Variants in KIF11 observed in about 807,000 individuals in gnomAD.
KIF11 encodes the protein kinesin family member 11, also known as kinesin-like protein KIF11.
Under a neutral mutation model 121.0 loss-of-function variants are expected in KIF11, and 9 were observed. The ratio of observed to expected loss-of-function variants is 0.07; its 90% CI spans 0.04 to 0.13. The LOEUF is 0.13. Among genes scored for constraint, KIF11 ranks in the 10% least tolerant of loss-of-function variants. The pLI, the probability that KIF11 is intolerant of heterozygous loss-of-function variation, is 1.00. For missense variants in KIF11, 846 were observed against 1,217.5 expected, an observed-to-expected ratio of 0.69 and a Z score of 4.54; for synonymous variants, 408 against 421.0, an observed-to-expected ratio of 0.97 and a Z score of 0.38.
intron 9 of KIF11, 48 bp downstream of exon 9, chr10:92,616,880 G>T: frequency 9.3e-7 from 1 of 1,079,688 alleles, no homozygotes; most frequent in Non-Finnish European, 1.4e-6. Flanking sequence ...TGACAAATGT[G>T]AAAATAAGAA....
In KIF11 at chr10:92,624,772, G is replaced by GTT. The variant is rs1297187722; in HGVS notation, c.1217+3313_1217+3314dup. Reference sequence around the variant, plus strand: ...CAAATAGTATTTCTGTGTGTGTGTGGTTTTTTTTTTTTTTTGAGATGGAGT... The same window carrying GTT: ...CAAATAGTATTTCTGTGTGTGTGTGGTTTTTTTTTTTTTTTTTGAGATGGAGT... On this transcript the variant is annotated intron_variant, in intron 10 of 21. Transcript: ENST00000260731. Among the ~76,000 whole-genome samples the GTT allele has an allele frequency of 9.5e-3, 1,278 of 134,800 alleles. 13 individuals carry two copies. The highest frequency in any genetic ancestry group is 0.02 in the Admixed American group (262 of 13,406). 88.4% of individuals were successfully genotyped at this position (134,800 alleles called of 152,430 possible).
chr10:92,616,350 A>G (rs1564707618), intron 8 of KIF11, among the ~76,000 whole-genome samples: 1 of 151,538 alleles, frequency 6.6e-6, no homozygotes, highest in Non-Finnish European at 1.5e-5. Flanking sequence ...GGCACATACT[A>G]CTATGCCCAG....
At chr10:92,608,132 A>T (rs1191628759) in intron 4 of KIF11, among the ~76,000 whole-genome samples, 2 of 149,652 alleles carry the variant, frequency 1.3e-5, no homozygotes, top group African/African-American at 2.4e-5. Context: ...AATTTTTTTT[A>T]ATTTTTTTTT....
intron 19 of KIF11, among the ~76,000 whole-genome samples, chr10:92,649,510 A>C (rs920530808): frequency 6.6e-6 from 1 of 152,124 alleles, no homozygotes; most frequent in Admixed American, 6.5e-5. Flanking sequence ...TGGGAAATCT[A>C]CTCATTCCAA....
intron 9 of KIF11, among the ~76,000 whole-genome samples, chr10:92,619,894 TG>T (rs1844599283): frequency 1.3e-5 from 2 of 151,556 alleles, no homozygotes; most frequent in Non-Finnish European, 2.9e-5. Context: ...ATATTTGTCC[TG>T]TAGAGTTTTA....
intron 10 of KIF11, among the ~76,000 whole-genome samples, chr10:92,621,904 G>A (rs11815573): frequency 0.28 from 42,651 of 152,108 alleles, 8,331 homozygotes; most frequent in African/African-American, 0.55. Flanking sequence ...ATTAATTCAT[G>A]TGAAGTTTCA....
intron 9 of KIF11, among the ~76,000 whole-genome samples, chr10:92,619,250 C>T (rs1844593824): frequency 6.6e-6 from 1 of 152,162 alleles, no homozygotes; most frequent in Non-Finnish European, 1.5e-5. Context: ...AACTCTTGAC[C>T]TTGTGATCCA....
chr10:92,645,755 A>C (rs368886313), intron 18 of KIF11, 113 bp downstream of exon 18: 6 of 838,908 alleles, frequency 7.2e-6, no homozygotes, highest in African/African-American at 3.5e-5. Context: ...ATAATGACTT[A>C]AACTTTTAAG....
At chr10:92,618,018 G>A (rs991563702) in intron 9 of KIF11, among the ~76,000 whole-genome samples, 15 of 152,122 alleles carry the variant, frequency 9.9e-5, no homozygotes, top group African/African-American at 2.7e-4. Context: ...GATCACAGGC[G>A]TGAGCCAATA....
At chr10:92,612,648 A>G (rs1844510088) in intron 6 of KIF11, among the ~76,000 whole-genome samples, 1 of 152,228 alleles carries the variant, frequency 6.6e-6, no homozygotes, top group Admixed American at 6.5e-5. Flanking sequence ...GAGTAAACTA[A>G]TGCCTTACCT....
chr10:92,615,974 G>C (rs769459859), intron 8 of KIF11, among the ~76,000 whole-genome samples: 13 of 140,900 alleles, frequency 9.2e-5, no homozygotes. Flanking sequence ...TGAGTAGCTG[G>C]GATTACAGGC....
Position 92,602,831 on chromosome 10 carries a change from T to TAC in KIF11, c.78-3434_78-3433insAC, listed in dbSNP as rs777763361. On this transcript the variant is annotated intron_variant, in intron 1 of 21. Coordinates refer to ENST00000260731, the MANE Select transcript of KIF11 (RefSeq NM_004523.4). ...AAACACACACACACACACACGTGTG[T>TAC]GTGTGTGTGTGTGTGTGTGTGTGTG... 5.8e-3 allele frequency among the ~76,000 whole-genome samples: 628 copies of TAC among 108,034 alleles called. 2 individuals are homozygous for TAC. The highest frequency in any genetic ancestry group is 0.033 in the African/African-American group (586 of 17,546). 70.9% of individuals were successfully genotyped at this position (108,034 alleles called of 152,430 possible). A position where few individuals can be genotyped will look rare whatever the true frequency, so the allele number is the denominator to read the frequency against.
At chr10:92,603,190 A>G (rs1844392380) in intron 1 of KIF11, among the ~76,000 whole-genome samples, 1 of 148,634 alleles carries the variant, frequency 6.7e-6, no homozygotes, top group African/African-American at 2.5e-5. Context: ...TTCCCTAACT[A>G]CCCTAAAATA....
rs763307156 is a variant in KIF11 at position 92,603,249 on chromosome 10, C to CTTTCT, written c.78-3002_78-2998dup. ...AACACTTCCTATCCCCCTTAAACTG[C>CTTTCT]TTTCTTTTCTTTTCTTTTTTTTTTT... On this transcript the variant is annotated intron_variant, in intron 1 of 21. Transcript: ENST00000260731. Among the ~76,000 whole-genome samples, 14 of 126,864 alleles carry CTTTCT rather than the reference C, an allele frequency of 1.1e-4. 1 individual carries two copies. The highest frequency in any genetic ancestry group is 9.8e-5 in the Non-Finnish European group (6 of 61,280). The allele number at this position is 126,864 out of a possible 152,430, so 83.2% of individuals were successfully genotyped here.
chr10:92,648,534 A>C (rs954903642), intron 19 of KIF11, 100 bp downstream of exon 19: 5 of 675,740 alleles, frequency 7.4e-6, no homozygotes, highest in Middle Eastern at 4.3e-4. Flanking sequence ...CCATTGCCTG[A>C]CAGAAATTTA....
chr10:92,612,997 A>G lies in KIF11; in HGVS notation c.699-43A>G, dbSNP rs142344689. On this transcript the variant is annotated intron_variant, in intron 6 of 21. Transcript: ENST00000260731. ...CAGTATTTCAGAAGCAGCAAATGCT[A>G]TTTTACATTATAATGACTGGGCAAC... 6.9e-4 allele frequency: 795 copies of G among 1,159,240 alleles called. 7 individuals carry two copies. The African/African-American group carries it at 9.6e-3, about 14-fold the overall frequency. 71.8% of individuals were successfully genotyped at this position (1,159,240 alleles called of 1,614,324 possible).
At chr10:92,653,143 C>T (rs1845005772) in intron 21 of KIF11, among the ~76,000 whole-genome samples, 1 of 152,224 alleles carries the variant, frequency 6.6e-6, no homozygotes, top group South Asian at 2.1e-4. Context: ...GGCTTTTCTG[C>T]ATGACAGCAA....
chr10:92,635,578 C>A (rs1162797369), intron 14 of KIF11, among the ~76,000 whole-genome samples: 1 of 152,012 alleles, frequency 6.6e-6, no homozygotes, highest in Non-Finnish European at 1.5e-5. Flanking sequence ...AAGACAATTA[C>A]AATAGTAACA....
At chr10:92,593,513 G>A in intron 1 of KIF11, 61 bp downstream of exon 1, 1 of 1,447,746 alleles carries the variant, frequency 6.9e-7, no homozygotes, top group Non-Finnish European at 9.5e-7. Flanking sequence ...CCCCTACTGC[G>A]CGGTCCAGGG....
Sources: allele counts gnomAD v4.1 joint callset (sites outside exome capture counted in the v4.1 genomes callset), GRCh38; gene constraint gnomAD v4.1.1; transcripts MANE v1.5; gene names NCBI Gene and HGNC (gene_info 2026-07-23, HGNC 2026-07-21).